The following RALGDS variants were observed in gnomAD, a reference collection of about 807,000 sequenced individuals.
RALGDS encodes ral guanine nucleotide dissociation stimulator.
Under a neutral mutation model 99.8 loss-of-function variants are expected in RALGDS, and 44 were observed. That is an observed-to-expected ratio of 0.44 (90% CI 0.35 to 0.57). The LOEUF (loss-of-function observed/expected upper bound fraction) is 0.57, where lower values mean the gene tolerates loss of function less well. RALGDS is among the 20% of genes least tolerant of loss of function. The probability of loss-of-function intolerance (pLI) is 0.01; values close to 1 mark genes in which losing one functional copy is unlikely to be tolerated. For synonymous variants in RALGDS, 529 were observed against 505.0 expected, an observed-to-expected ratio of 1.05 and a Z score of -0.64; for missense variants, 1,022 against 1,203.1, an observed-to-expected ratio of 0.85 and a Z score of 2.23.
At chr9:133,131,954 G>A (rs1832341915), upstream of RALGDS, among the ~76,000 whole-genome samples, 1 of 152,234 alleles carries the variant, frequency 6.6e-6, no homozygotes, top group South Asian at 2.1e-4. Flanking sequence ...AGTGGGGATT[G>A]AGGAGTTCAG....
At position 133,098,369 on chromosome 9, in the gene RALGDS, A is replaced by G; in HGVS notation, c.*218T>C. On this transcript the variant is annotated 3_prime_UTR_variant, in exon 18 of 18. Coordinates refer to ENST00000372050, the MANE Select transcript of RALGDS (RefSeq NM_006266.4). ...AAAAGTCAGCTAGTCCTCTGGTTCC[A>G]GAGAGCAGAAGGCACCTAAGGCAGC... The G allele has an allele frequency of 1.7e-6, 1 of 587,028 alleles. No individual in the cohort carries two copies. The highest frequency in any genetic ancestry group is 1.9e-5 in the African/African-American group (1 of 53,846). The allele number at this position is 587,028 out of a possible 1,614,324, so 36.4% of individuals were successfully genotyped here. A position where few individuals can be genotyped will look rare whatever the true frequency, so the allele number is the denominator to read the frequency against.
At chr9:133,124,500 A>C (rs1832086970), upstream of RALGDS, among the ~76,000 whole-genome samples, 1 of 151,730 alleles carries the variant, frequency 6.6e-6, no homozygotes, top group Admixed American at 6.6e-5. Context: ...GCAACATAGC[A>C]AGACCCCATT....
chr9:133,119,361 G>A (rs947594012), intron 1 of RALGDS, among the ~76,000 whole-genome samples: 3 of 151,930 alleles, frequency 2.0e-5, no homozygotes, highest in Non-Finnish European at 2.9e-5. Flanking sequence ...TTCCGGCAGT[G>A]GCCTCCTCTC....
chr9:133,102,338 C>T, intron 14 of RALGDS, 138 bp downstream of exon 14: 4 of 1,117,706 alleles, frequency 3.6e-6, no homozygotes, highest in Non-Finnish European at 5.3e-6. Flanking sequence ...GGTGAGGGGA[C>T]TCATCCCAGT....
chr9:133,122,207 C>T (rs927418548), upstream of RALGDS, among the ~76,000 whole-genome samples: 1 of 152,210 alleles, frequency 6.6e-6, no homozygotes, highest in Non-Finnish European at 1.5e-5. Flanking sequence ...CTCAACTACT[C>T]TTTCTGGAAG....
rs201487990 is a variant in RALGDS, at chr9:133,106,653, G to C, written c.1509C>G (p.Asp503Glu). Residue 503 changes from aspartate to glutamate, a missense_variant, in exon 8 of 18, where the codon GAC becomes GAG. Coordinates refer to ENST00000372050, the MANE Select transcript of RALGDS (RefSeq NM_006266.4). Reference sequence around the variant, plus strand: ...TACAGAGGCATGCCCACCTGGAAACGTCTTCCCACGTCTTCTTCAGACGGT... The same window carrying C: ...TACAGAGGCATGCCCACCTGGAAACCTCTTCCCACGTCTTCTTCAGACGGT... ...SIHRLKKTWE[D>E]VSRDSFRIFQ... The C allele has an allele frequency of 6.2e-7, 1 of 1,607,682 alleles. No homozygotes were observed. Among genetic ancestry groups the C allele is most frequent in the South Asian group, 1.1e-5 (1 of 90,366 alleles).
Position 133,144,560 on chromosome 9 carries a change from C to G in RALGDS, c.18+4403G>C, listed in dbSNP as rs573192629. On this transcript the variant is annotated intron_variant, in intron 1 of 17. Coordinates refer to the RALGDS transcript ENST00000393160. This position sits in a 1 kb window ranked among gnomAD's most constrained non-coding sequence, Gnocchi z 4.5. ...GCGAGACCTTTGTCTGCGGCAGCTC[C>G]GCGCCGGGCTGGGCGGCCGCACGGG... is the stretch of plus-strand genomic sequence containing the variant. 4.4e-4 allele frequency among the ~76,000 whole-genome samples: 67 copies of G among 152,314 alleles called. No individual in the cohort carries two copies. The highest frequency in any genetic ancestry group is 1.6e-3 in the African/African-American group (65 of 41,578).
chr9:133,109,590 A>T (rs772724621), intron 4 of RALGDS, 36 bp downstream of exon 4: 1 of 1,560,486 alleles, frequency 6.4e-7, no homozygotes, highest in Admixed American at 1.7e-5. Flanking sequence ...TTCGGTGGGG[A>T]CAGGGTCCCT....
upstream of RALGDS, among the ~76,000 whole-genome samples, chr9:133,122,063 C>T (rs1447378243): frequency 1.3e-5 from 2 of 152,200 alleles, no homozygotes; most frequent in Non-Finnish European, 2.9e-5. Context: ...AGGAAGGCAT[C>T]AAGAGTGACA....
intron 1 of RALGDS, among the ~76,000 whole-genome samples, chr9:133,139,215 T>C (rs145611738): frequency 9.1e-4 from 139 of 152,278 alleles, no homozygotes; most frequent in African/African-American, 3.2e-3. Context: ...ACACAGCCGC[T>C]GCCCCTGCAG....
At chr9:133,124,511 C>A (rs898196895), upstream of RALGDS, among the ~76,000 whole-genome samples, 1 of 150,756 alleles carries the variant, frequency 6.6e-6, no homozygotes, top group African/African-American at 2.4e-5. Context: ...AGACCCCATT[C>A]TCCACAAAAA....
At chr9:133,140,082 G>A (rs992019122) in intron 1 of RALGDS, among the ~76,000 whole-genome samples, 1 of 139,758 alleles carries the variant, frequency 7.2e-6, no homozygotes, top group Admixed American at 7.2e-5. Context: ...TGATCATCGG[G>A]ACAGATAAGT....
At chr9:133,109,561 C>T in intron 4 of RALGDS, 65 bp downstream of exon 4, 1 of 1,435,448 alleles carries the variant, frequency 7.0e-7, no homozygotes. Flanking sequence ...CGGCCCCAGC[C>T]CCATGTACTC....
intron 1 of RALGDS, among the ~76,000 whole-genome samples, chr9:133,116,189 T>C (rs1402498958): frequency 1.3e-5 from 2 of 152,160 alleles, no homozygotes; most frequent in East Asian, 3.9e-4. Flanking sequence ...TCCAGGTGGG[T>C]GGACCCAACC....
intron 1 of RALGDS, 125 bp downstream of exon 1, chr9:133,120,847 G>T: frequency 1.8e-6 from 2 of 1,099,420 alleles, no homozygotes; most frequent in Non-Finnish European, 2.4e-6. Context: ...CTATGGAGGA[G>T]AGAGGAGGGA....
chr9:133,126,499 G>C (rs1832164786), intron 1 of RALGDS, among the ~76,000 whole-genome samples: 1 of 152,216 alleles, frequency 6.6e-6, no homozygotes. Flanking sequence ...TGGGTGACCT[G>C]ACCACACCGG....
chr9:133,123,987 GAC>G (rs145847951), upstream of RALGDS, among the ~76,000 whole-genome samples: 39 of 79,758 alleles, frequency 4.9e-4, 6 homozygotes, highest in Admixed American at 1.9e-3. Flanking sequence ...CAGAGACACA[GAC>G]ACACACACAC....
At chr9:133,149,063 C>T (rs1832672290) in exon 1 of RALGDS, 3 of 1,129,908 alleles carry the variant, frequency 2.7e-6, no homozygotes, top group Non-Finnish European at 3.4e-6. Context: ...GCGCGCGGCG[C>T]AGGGGTGCGC....
chr9:133,116,165 GC>G (rs1831601086), intron 1 of RALGDS, among the ~76,000 whole-genome samples: 1 of 152,198 alleles, frequency 6.6e-6, no homozygotes, highest in Non-Finnish European at 1.5e-5. Context: ...CTGCCCTCGG[GC>G]CTGCCCTCCA....
Sources: allele counts gnomAD v4.1 joint callset (sites outside exome capture counted in the v4.1 genomes callset), GRCh38; gene constraint gnomAD v4.1.1; non-coding constraint Gnocchi (gnomAD v3.1); transcripts MANE v1.5; gene names NCBI Gene and HGNC (gene_info 2026-07-23, HGNC 2026-07-21).